The following ITSN1 variants were observed in gnomAD, a reference collection of about 807,000 sequenced individuals.
ITSN1 encodes the protein intersectin-1.
In ITSN1, 58 loss-of-function variants were observed where a neutral mutation model predicts 239.8. The ratio of observed to expected loss-of-function variants is 0.24; its 90% CI spans 0.20 to 0.30. The LOEUF (loss-of-function observed/expected upper bound fraction) is 0.30. Ranked by LOEUF, ITSN1 falls within the 10% of genes least tolerant of loss-of-function variation. The probability of loss-of-function intolerance (pLI) is 1.00; values close to 1 mark genes in which losing one functional copy is unlikely to be tolerated. For synonymous variants in ITSN1, 780 were observed against 770.8 expected (o/e 1.01, Z -0.20); for missense variants, 1,558 against 2,103.3 (o/e 0.74, Z 5.07).
chr21:33,767,962 G>T (rs2068839935), intron 11 of ITSN1, 134 bp downstream of exon 11: 4 of 541,324 alleles, frequency 7.4e-6, no homozygotes, highest in Non-Finnish European at 1.3e-5. Flanking sequence ...ACTGACCTTA[G>T]TTGGAGATAA....
At chr21:33,711,363 T>C (rs951831951) in intron 1 of ITSN1, among the ~76,000 whole-genome samples, 4 of 152,128 alleles carry the variant, frequency 2.6e-5, no homozygotes, top group African/African-American at 9.6e-5. Context: ...TTCTCTATTG[T>C]CTGCATTTTT....
chr21:33,878,008 T>G (rs1037531684), intron 34 of ITSN1, among the ~76,000 whole-genome samples: 2 of 140,230 alleles, frequency 1.4e-5, no homozygotes, highest in African/African-American at 5.4e-5. Flanking sequence ...CTCTCTCTCT[T>G]TGTGTGTGTG....
At chr21:33,796,455 A>G (rs774623182) in intron 17 of ITSN1, among the ~76,000 whole-genome samples, 87 of 152,354 alleles carry the variant, frequency 5.7e-4, no homozygotes, top group Middle Eastern at 3.4e-3. Flanking sequence ...TAATTTTTTG[A>G]CAATGGAGAA....
In ITSN1 at chr21:33,695,431, G is replaced by A. The variant is rs111608343; in HGVS notation, c.-32-23366G>A. ...AGAGAGGGAAATGTTATTCAGTGAA[G>A]TACATATTGAATGTGTGAACTTTTC... On this transcript the variant is annotated intron_variant, in intron 1 of 39. Coordinates refer to ENST00000381318, the MANE Select transcript of ITSN1 (RefSeq NM_003024.3). Among the ~76,000 whole-genome samples the A allele has an allele frequency of 2.4e-3, 371 of 152,336 alleles. 2 individuals carry two copies. The highest frequency in any genetic ancestry group is 8.3e-3 in the African/African-American group (346 of 41,574).
rs1022065432 is a variant in ITSN1, at chr21:33,897,846, CAACTA to C, written c.*9549_*9553del. The C allele has an allele frequency of 7.2e-5, 11 of 152,034 alleles. No individual in the cohort carries two copies. The highest frequency in any genetic ancestry group is 2.4e-4 in the African/African-American group (10 of 41,368). The allele number at this position is 152,034 out of a possible 1,614,324, so 9.4% of individuals were successfully genotyped here. On this transcript the variant is annotated 3_prime_UTR_variant, in exon 40 of 40. Coordinates refer to ENST00000381318, the MANE Select transcript of ITSN1 (RefSeq NM_003024.3). ...TTAATGAGATTACTTGGGTTCAACT[CAACTA>C]AATTTCTTATATTAAAAAAAAATTC...
intron 5 of ITSN1, among the ~76,000 whole-genome samples, chr21:33,738,982 A>G (rs1055723814): frequency 7.2e-5 from 11 of 152,246 alleles, no homozygotes; most frequent in African/African-American, 2.6e-4. Context: ...TTTTTTATAG[A>G]TAGAGTCTTG....
intron 28 of ITSN1, among the ~76,000 whole-genome samples, chr21:33,836,227 A>G (rs2074595112): frequency 1.3e-5 from 2 of 152,220 alleles, no homozygotes. Context: ...CATAAAAACT[A>G]AAGACTTAGT....
chr21:33,685,883 A>G lies in ITSN1; in HGVS notation c.-32-32914A>G, dbSNP rs181381504. 1.8e-4 allele frequency among the ~76,000 whole-genome samples: 28 copies of G among 152,320 alleles called. No individual in the cohort carries two copies. In the East Asian group the frequency reaches 5.4e-3, roughly 29 times the overall value. On this transcript the variant is annotated intron_variant, in intron 1 of 39. Transcript: ENST00000381318. ...AGTGGTTTTAATAATAATCATAACT[A>G]TTTCTCAATTTTACTTCTTAAAAAA...
chr21:33,799,736 T>C, intron 18 of ITSN1, 72 bp from the exon 19 acceptor site: 1 of 1,529,980 alleles, frequency 6.5e-7, no homozygotes, highest in Non-Finnish European at 9.0e-7. Flanking sequence ...GTTAGTTGTT[T>C]GGCTTGTTGT....
chr21:33,673,617 A>T (rs975452280), intron 1 of ITSN1, among the ~76,000 whole-genome samples: 2 of 151,184 alleles, frequency 1.3e-5, no homozygotes, highest in Non-Finnish European at 2.9e-5. Context: ...TGTAACACGT[A>T]TTAGAGAAAC....
intron 29 of ITSN1, chr21:33,837,579 A>G (rs567191116): frequency 2.0e-6 from 2 of 985,970 alleles, no homozygotes; most frequent in Middle Eastern, 5.2e-4. Flanking sequence ...TTAAAGACGT[A>G]TAGAATGAGC....
At chr21:33,720,805 G>A (rs2065439766) in intron 2 of ITSN1, among the ~76,000 whole-genome samples, 1 of 152,004 alleles carries the variant, frequency 6.6e-6, no homozygotes, top group South Asian at 2.1e-4. Context: ...TTTGCCTGTG[G>A]CATTTAAGGC....
chr21:33,781,188 G>A (rs1339869230), intron 14 of ITSN1, among the ~76,000 whole-genome samples: 1 of 152,148 alleles, frequency 6.6e-6, no homozygotes, highest in East Asian at 1.9e-4. Flanking sequence ...AGTACTTAAT[G>A]TACATTTTTT....
chr21:33,856,843 C>T lies in ITSN1; in HGVS notation c.3769C>T (p.Gln1257Ter). ...CGAGGAGAACTATGTGAATGACCTGCAGCTGGTCACAGAGGTAAGGGAGCT... is the reference window on the plus strand; with the variant it reads ...CGAGGAGAACTATGTGAATGACCTGTAGCTGGTCACAGAGGTAAGGGAGCT... ...VTEENYVNDL[Q>*]LVTEIFQKPL... The change falls in exon 30 of 40, where the codon CAG (glutamine) becomes TAG (stop). Residue 1257 changes from glutamine (Q) to a stop codon, truncating the protein, a stop_gained. Transcript: ENST00000381318. LOFTEE classifies it high-confidence loss of function. The T allele has an allele frequency of 6.2e-7, 1 of 1,613,990 alleles. No individual in the cohort carries two copies. Among genetic ancestry groups the T allele is most frequent in the Non-Finnish European group, 8.5e-7 (1 of 1,179,948 alleles).
chr21:33,706,479 CAAAA>C (rs370383959), intron 1 of ITSN1, among the ~76,000 whole-genome samples: 1 of 133,638 alleles, frequency 7.5e-6, no homozygotes, highest in African/African-American at 2.7e-5. Flanking sequence ...CATTTATTAC[CAAAA>C]AAAAAAAAAC....
At chr21:33,753,100 C>T (rs2067667381) in intron 7 of ITSN1, among the ~76,000 whole-genome samples, 1 of 152,176 alleles carries the variant, frequency 6.6e-6, no homozygotes, top group African/African-American at 2.4e-5. Flanking sequence ...TTATGTTACT[C>T]GTGCAACAGA....
chr21:33,870,428 A>G (rs998224353), intron 33 of ITSN1, among the ~76,000 whole-genome samples: 1 of 152,244 alleles, frequency 6.6e-6, no homozygotes, highest in African/African-American at 2.4e-5. Flanking sequence ...GATTTCTTCC[A>G]GAGCACCCAC....
Position 33,890,949 on chromosome 21 carries a change from T to C in ITSN1, c.*2649T>C, listed in dbSNP as rs535562044. ...TCTCCTTTAGCCCAAGAAGGGGCTG[T>C]GCTGGTCATAGGGTTATGCTGTAAC... On this transcript the variant is annotated 3_prime_UTR_variant, in exon 40 of 40. Transcript: ENST00000381318. The C allele has an allele frequency of 1.3e-5, 2 of 152,620 alleles. No homozygotes were observed. The highest frequency in any genetic ancestry group is 4.8e-5 in the African/African-American group (2 of 41,584). The allele number at this position is 152,620 out of a possible 1,614,324, so 9.5% of individuals were successfully genotyped here. A position where few individuals can be genotyped will look rare whatever the true frequency, so the allele number is the denominator to read the frequency against.
intron 1 of ITSN1, among the ~76,000 whole-genome samples, chr21:33,716,236 G>C (rs949188453): frequency 6.6e-6 from 1 of 152,122 alleles, no homozygotes; most frequent in African/African-American, 2.4e-5. Context: ...AGATCTCTTA[G>C]ACCTTCCTCT....
Sources: allele counts gnomAD v4.1 joint callset (sites outside exome capture counted in the v4.1 genomes callset), GRCh38; gene constraint gnomAD v4.1.1; transcripts MANE v1.5; gene names NCBI Gene and HGNC (gene_info 2026-07-23, HGNC 2026-07-21).